The following RUNDC1 variants were observed in gnomAD, a reference collection of about 807,000 sequenced individuals.
RUNDC1 encodes RUN domain containing 1, also known as RUN domain-containing protein 1.
A neutral mutation model predicts 49.3 loss-of-function variants in RUNDC1; 31 were observed. The observed-to-expected ratio is 0.63, with a 90% CI of 0.47 to 0.85. RUNDC1 has a LOEUF of 0.85. Among genes scored for constraint, RUNDC1 ranks in the 40% least tolerant of loss-of-function variants. The probability of loss-of-function intolerance (pLI) is 0.00; values close to 1 mark genes in which losing one functional copy is unlikely to be tolerated. For synonymous variants in RUNDC1, 347 were observed against 348.6 expected (o/e 1.00, Z 0.05); for missense variants, 715 against 806.7 (o/e 0.89, Z 1.38).
At chr17:42,986,579 G>C (rs1013263714) in intron 1 of RUNDC1, among the ~76,000 whole-genome samples, 1 of 151,794 alleles carries the variant, frequency 6.6e-6, no homozygotes, top group Non-Finnish European at 1.5e-5. Context: ...CTCACTGCAA[G>C]CTCCGCCTCC....
intron 1 of RUNDC1, among the ~76,000 whole-genome samples, chr17:42,983,963 T>C (rs2050136690): frequency 6.6e-6 from 1 of 150,884 alleles, no homozygotes; most frequent in Non-Finnish European, 1.5e-5. Flanking sequence ...GGATTATAGG[T>C]GTGAGCCACC....
intron 1 of RUNDC1, among the ~76,000 whole-genome samples, chr17:42,982,457 A>C (rs997421579): frequency 6.6e-6 from 1 of 152,154 alleles, no homozygotes; most frequent in Non-Finnish European, 1.5e-5. Context: ...ACATACCTGC[A>C]ACTCCTTACA....
intron 3 of RUNDC1, 32 bp from the exon 4 acceptor site, chr17:42,990,285 A>C (rs1316477552): frequency 1.9e-6 from 3 of 1,611,124 alleles, no homozygotes; most frequent in Non-Finnish European, 2.5e-6. Flanking sequence ...AAAGGGCTAA[A>C]TAAGTGTCTC....
chr17:42,983,264 C>T (rs1275379248), intron 1 of RUNDC1, among the ~76,000 whole-genome samples: 1 of 148,078 alleles, frequency 6.8e-6, no homozygotes, highest in East Asian at 2.0e-4. Context: ...AAGTTGTAAT[C>T]TTGTATTTAT....
Position 42,980,590 on chromosome 17 carries a change from A to C in RUNDC1, c.14A>C (p.Glu5Ala), listed in dbSNP as rs746367589. Residue 5 changes from glutamate to alanine, a missense_variant, in exon 1 of 5, where the codon GAA becomes GCA. Physicochemically the swap from Glu to Ala is moderately radical, Grantham distance 107. This residue lies in a region of RUNDC1 where 153 missense variants were observed against 139.4 expected (regional missense o/e 1.10). Transcript: ENST00000361677. ...GTTTCCGGGAAGATGGCGGCTGTCG[A>C]AGCGGCTGCAGAGCCGGTAACGGTG... MAAVEAAAEPVTVVA... is the reference protein window; with the variant it reads MAAVAAAAEPVTVVA... 1.9e-6 allele frequency: 3 copies of C among 1,609,408 alleles called. No homozygotes were observed. The highest frequency in any genetic ancestry group is 2.5e-6 in the Non-Finnish European group (3 of 1,179,070).
chr17:42,988,670 A>C (rs2151959537), intron 2 of RUNDC1, among the ~76,000 whole-genome samples: 1 of 152,264 alleles, frequency 6.6e-6, no homozygotes, highest in South Asian at 2.1e-4. Context: ...AGAAGGGATA[A>C]GAAGGATTAG....
At chr17:42,989,674 C>G (rs1460156416) in intron 3 of RUNDC1, 135 bp downstream of exon 3, 4 of 806,854 alleles carry the variant, frequency 5.0e-6, no homozygotes, top group Non-Finnish European at 7.9e-6. Flanking sequence ...TCTCTCTGTT[C>G]CCCTGGCTGG....
intron 3 of RUNDC1, 108 bp from the exon 4 acceptor site, chr17:42,990,209 A>G: frequency 7.0e-7 from 1 of 1,425,112 alleles, no homozygotes; most frequent in Non-Finnish European, 9.5e-7. Context: ...ATAGGACAAG[A>G]GTTTGTGAAA....
chr17:42,980,930 G>A lies in RUNDC1; in HGVS notation c.354G>A (p.Glu118=). The part of the protein sequence containing the change: ...LRQVVRGAPA[E]QQRLLRELED... Reference sequence around the variant, plus strand: ...AGGTGGTGCGCGGGGCGCCGGCGGAGCAGCAGCGCCTTCTGCGGGAGCTCG... The same window carrying A: ...AGGTGGTGCGCGGGGCGCCGGCGGAACAGCAGCGCCTTCTGCGGGAGCTCG... The change falls in exon 1 of 5, where the codon GAG becomes GAA. Residue 118 remains glutamate (E), a synonymous_variant. Coordinates refer to ENST00000361677, the MANE Select transcript of RUNDC1 (RefSeq NM_173079.5). 6.5e-7 allele frequency: 1 copy of A among 1,535,806 alleles called. No homozygotes were observed. The highest frequency in any genetic ancestry group is 8.7e-7 in the Non-Finnish European group (1 of 1,147,530).
At chr17:42,986,302 A>C (rs2050170773) in intron 1 of RUNDC1, among the ~76,000 whole-genome samples, 1 of 151,706 alleles carries the variant, frequency 6.6e-6, no homozygotes, top group Admixed American at 6.6e-5. Context: ...TTTTTTGTGG[A>C]GATGAAGTCT....
At chr17:42,982,998 C>A (rs1302685502) in intron 1 of RUNDC1, among the ~76,000 whole-genome samples, 15 of 143,932 alleles carry the variant, frequency 1.0e-4, no homozygotes, top group African/African-American at 2.9e-4. Flanking sequence ...CAAAAAAAAA[C>A]ACACAAAAAA....
chr17:42,981,735 G>A (rs1368767009), intron 1 of RUNDC1: 1 of 152,164 alleles, frequency 6.6e-6, no homozygotes, highest in East Asian at 1.9e-4. Context: ...TCCCGCCTCA[G>A]CCTCAGGACT....
intron 2 of RUNDC1, among the ~76,000 whole-genome samples, chr17:42,988,546 C>T (rs568282552): frequency 6.6e-6 from 1 of 152,258 alleles, no homozygotes; most frequent in East Asian, 1.9e-4. Flanking sequence ...AGCCACCGCA[C>T]CCAGCCTATT....
In RUNDC1 at chr17:42,981,034, G is replaced by GGCT; in HGVS notation, c.461_463dup (p.Leu154dup). On this transcript the variant is annotated inframe_insertion, in exon 1 of 5. Coordinates refer to ENST00000361677, the MANE Select transcript of RUNDC1 (RefSeq NM_173079.5). ...GACCCCGCCAGCGATGAGGGCGATG[G>GGCT]GCTGCCAGGGGACCGGCCATGGTTG... 6.4e-7 allele frequency: 1 copy of GGCT among 1,555,614 alleles called. No individual in the cohort carries two copies. Among genetic ancestry groups the GGCT allele is most frequent in the East Asian group, 2.4e-5 (1 of 41,360 alleles).
chr17:42,991,242 T>C lies in RUNDC1; in HGVS notation c.1368T>C (p.Ile456=). The C allele has an allele frequency of 1.9e-6, 3 of 1,614,230 alleles. No homozygotes were observed. Among genetic ancestry groups the C allele is most frequent in the Non-Finnish European group, 2.5e-6 (3 of 1,180,044 alleles). ...SPGMSLVMAP[I]ACLLPAFSSA... is the part of the protein sequence containing the mutation. ...GGATGAGCCTTGTTATGGCTCCTAT[T>C]GCTTGTTTGCTGCCAGCCTTCTCCT... Residue 456 remains isoleucine, a synonymous_variant, in exon 5 of 5, where the codon ATT becomes ATC. Transcript: ENST00000361677.
chr17:42,987,206 C>G, intron 1 of RUNDC1, 50 bp from the exon 2 acceptor site: 1 of 1,504,124 alleles, frequency 6.6e-7, no homozygotes, highest in Non-Finnish European at 9.2e-7. Flanking sequence ...TTAATGTGCC[C>G]TGAGTTTCCC....
chr17:42,981,367 G>A, intron 1 of RUNDC1: 1 of 426,368 alleles, frequency 2.3e-6, no homozygotes, highest in South Asian at 3.8e-5. Context: ...GGGCAGCAGA[G>A]CAGCCAAGAG....
rs750001006 is a variant in RUNDC1, at chr17:42,990,324, G to A, written c.864G>A (p.Val288=). 1 of 1,613,902 alleles carries A rather than the reference G, an allele frequency of 6.2e-7. No homozygotes were observed. The highest frequency in any genetic ancestry group is 1.1e-5 in the South Asian group (1 of 91,036). ...EMFINFIQDE[V]GSPLQTGGGH... is the part of the protein sequence containing the mutation. ...TATAATTTCTGATTCCAGATGAAGT[G>A]GGAAGCCCCTTGCAGACAGGTGGTG... The change falls in exon 4 of 5, where the codon GTG becomes GTA. Residue 288 remains valine (V), a synonymous_variant. Transcript: ENST00000361677.
chr17:42,985,606 T>TC (rs1320401987), intron 1 of RUNDC1: 3 of 339,220 alleles, frequency 8.8e-6, no homozygotes, highest in South Asian at 1.4e-4. Context: ...TGTTTTCTTT[T>TC]TTTTTTTTTT....
Sources: gnomAD v4.1 joint callset for allele counts (sites outside exome capture counted in the v4.1 genomes callset) on GRCh38, gnomAD v4.1.1 for gene constraint, gnomAD v4.1.1 regional missense constraint, MANE v1.5 for transcripts, NCBI Gene and HGNC (gene_info 2026-07-23, HGNC 2026-07-21) for gene names.